Variants in TTC34 observed in about 807,000 individuals in gnomAD.
TTC34 encodes tetratricopeptide repeat domain 34.
TTC34 carries 44 observed loss-of-function variants against 40.7 expected under a neutral mutation model. The ratio of observed to expected loss-of-function variants is 1.08; its 90% confidence interval spans 0.85 to 1.39. TTC34 has a LOEUF of 1.39. Among genes scored for constraint, TTC34 ranks in the 40% most tolerant of loss-of-function variants. TTC34 has a pLI of 0.00. For missense variants in TTC34, 884 were observed against 838.0 expected (o/e 1.05, Z -0.68); for synonymous variants, 422 against 398.6 (o/e 1.06, Z -0.70).
At chr1:2,780,177 G>A (rs1643459207) in intron 6 of TTC34, among the ~76,000 whole-genome samples, 1 of 152,146 alleles carries the variant, frequency 6.6e-6, no homozygotes, top group Non-Finnish European at 1.5e-5. Context: ...TGTGTATTCT[G>A]GGTAATAATT....
chr1:2,688,215 G>A (rs559999369), intron 6 of TTC34, among the ~76,000 whole-genome samples: 1 of 101,706 alleles, frequency 9.8e-6, no homozygotes, highest in African/African-American at 4.8e-5. Flanking sequence ...ACACCCCCAG[G>A]GGAGCATCCG....
chr1:2,677,907 T>C (rs1441801372), intron 6 of TTC34, among the ~76,000 whole-genome samples: 2 of 32,830 alleles, frequency 6.1e-5, no homozygotes, highest in Non-Finnish European at 1.0e-4. Context: ...GGCGAGCATC[T>C]GACAGCCTGG....
At chr1:2,753,418 AC>A (rs1641393548) in intron 6 of TTC34, among the ~76,000 whole-genome samples, 1 of 45,478 alleles carries the variant, frequency 2.2e-5, no homozygotes, top group African/African-American at 1.6e-4. Context: ...ACCCACACCC[AC>A]AGGTGAGCAT....
chr1:2,685,244 G>A (rs1459810868), intron 6 of TTC34, among the ~76,000 whole-genome samples: 2 of 100,010 alleles, frequency 2.0e-5, no homozygotes, highest in Non-Finnish European at 4.0e-5. Flanking sequence ...CACACCCCAG[G>A]TGAGCATCTG....
intron 5 of TTC34, among the ~76,000 whole-genome samples, chr1:2,785,285 C>G (rs1366936288): frequency 2.0e-5 from 3 of 152,234 alleles, no homozygotes; most frequent in Admixed American, 1.3e-4. Flanking sequence ...GGTCCAGGCT[C>G]TCACACTCCC....
chr1:2,787,490 G>T, exon 4 of TTC34: 1 of 1,486,972 alleles, frequency 6.7e-7, no homozygotes, highest in East Asian at 2.5e-5. Flanking sequence ...CCTGGTTGGC[G>T]TCATAGAAGA....
At chr1:2,787,603 G>A (rs570344536) in exon 4 of TTC34, 35 of 1,549,624 alleles carry the variant, frequency 2.3e-5, no homozygotes, top group Admixed American at 5.9e-5. Flanking sequence ...TCCTCCAGGC[G>A]GCCCAGGCGG....
chr1:2,756,583 A>G (rs1641512584), intron 6 of TTC34, among the ~76,000 whole-genome samples: 1 of 151,756 alleles, frequency 6.6e-6, no homozygotes, highest in African/African-American at 2.4e-5. Flanking sequence ...AGCAGCACCC[A>G]CACCAACAGG....
intron 6 of TTC34, among the ~76,000 whole-genome samples, chr1:2,683,330 A>T (rs1214376595): frequency 1.3e-5 from 2 of 149,160 alleles, no homozygotes; most frequent in African/African-American, 5.0e-5. Flanking sequence ...AGCATCTGAC[A>T]GACTGGAACA....
In TTC34 at chr1:2,645,092, A is replaced by G. The variant is rs1638992502; in HGVS notation, c.2497+201T>C. Among the ~76,000 whole-genome samples the G allele has an allele frequency of 6.6e-6, 1 of 152,216 alleles. No individual in the cohort carries two copies. Among genetic ancestry groups the G allele is most frequent in the Non-Finnish European group, 1.5e-5 (1 of 68,036 alleles). On this transcript the variant is annotated intron_variant, in intron 7 of 8. Transcript: ENST00000401095. This position sits in a 1 kb window ranked among gnomAD's most constrained non-coding sequence, Gnocchi z 4.7. ...ATTGCAAGCAAAGAGCCACCCGGGT[A>G]AAGCAGAGGAGAGCCTTTTGAACGC...
At chr1:2,785,405 G>T (rs575013691) in intron 5 of TTC34, among the ~76,000 whole-genome samples, 13 of 152,326 alleles carry the variant, frequency 8.5e-5, no homozygotes, top group African/African-American at 2.6e-4. Flanking sequence ...CAGCACCCCC[G>T]TGCTGGGTGT....
intron 6 of TTC34, among the ~76,000 whole-genome samples, chr1:2,759,438 T>A (rs1260472039): frequency 8.5e-4 from 11 of 12,962 alleles, no homozygotes; most frequent in South Asian, 6.9e-3. Context: ...GCACCCACAC[T>A]CCCAGGCGAG....
chr1:2,694,979 G>A (rs1007442908), intron 6 of TTC34, among the ~76,000 whole-genome samples: 26 of 136,008 alleles, frequency 1.9e-4, no homozygotes, highest in East Asian at 4.5e-4. Context: ...ACAGCCTGGA[G>A]CAGCACCCTG....
At chr1:2,769,550 T>G (rs112711827) in intron 6 of TTC34, among the ~76,000 whole-genome samples, 2 of 17,358 alleles carry the variant, frequency 1.2e-4, no homozygotes, top group Non-Finnish European at 1.0e-4. Flanking sequence ...ACCCCACACC[T>G]CCAGGGGAGC....
rs556982640 is a variant in TTC34 at position 2,787,790 on chromosome 1, G to A, written c.1629-84C>T. 6.4e-5 allele frequency: 77 copies of A among 1,201,354 alleles called. No homozygotes were observed. In the Middle Eastern group the frequency reaches 1.4e-3, roughly 22 times the overall value. 74.4% of individuals were successfully genotyped at this position (1,201,354 alleles called of 1,614,324 possible). On this transcript the variant is annotated intron_variant, in intron 3 of 8. Coordinates refer to ENST00000401095, the Ensembl canonical transcript of TTC34. ...GGTGATTGGGCAGTGGGGAAATCCCGTCTCCATGTACCTGGCCTGGGCAGC... is the reference window on the plus strand; with the variant it reads ...GGTGATTGGGCAGTGGGGAAATCCCATCTCCATGTACCTGGCCTGGGCAGC...
intron 6 of TTC34, among the ~76,000 whole-genome samples, chr1:2,700,253 G>C (rs560108412): frequency 3.2e-5 from 2 of 63,330 alleles, no homozygotes; most frequent in African/African-American, 4.8e-5. Flanking sequence ...GCACCCACAC[G>C]CCCAGGCGAG....
At chr1:2,788,379 A>G (rs1475344685) in intron 3 of TTC34, among the ~76,000 whole-genome samples, 1 of 150,728 alleles carries the variant, frequency 6.6e-6, no homozygotes, top group African/African-American at 2.4e-5. Context: ...TGTGGTGTGT[A>G]TGGTGTGTGT....
chr1:2,787,561 G>T, exon 4 of TTC34: 1 of 1,544,596 alleles, frequency 6.5e-7, no homozygotes, highest in South Asian at 1.2e-5. Flanking sequence ...TGGGGCCTCC[G>T]GGATAGGGCC....
At chr1:2,687,307 G>T (rs532222092) in intron 6 of TTC34, among the ~76,000 whole-genome samples, 5 of 29,944 alleles carry the variant, frequency 1.7e-4, no homozygotes, top group Admixed American at 4.4e-4. Context: ...ATCTGACATC[G>T]TGGAACAGCA....
Sources: allele counts gnomAD v4.1 joint callset (sites outside exome capture counted in the v4.1 genomes callset), GRCh38; gene constraint gnomAD v4.1.1; non-coding constraint Gnocchi (gnomAD v3.1); transcripts MANE v1.5; gene names NCBI Gene and HGNC (gene_info 2026-07-23, HGNC 2026-07-21).